The following SHROOM3 variants were observed in gnomAD, a reference collection of about 807,000 sequenced individuals.
The protein encoded by SHROOM3 is shroom family member 3, also known as protein Shroom3.
A neutral mutation model predicts 138.6 loss-of-function variants in SHROOM3; 47 were observed. The observed-to-expected ratio is 0.34, with a 90% CI of 0.27 to 0.43. The LOEUF (loss-of-function observed/expected upper bound fraction) is 0.43. Ranked by LOEUF, SHROOM3 falls within the 20% of genes least tolerant of loss-of-function variation. SHROOM3 has a pLI of 1.00. For missense variants in SHROOM3, 2,491 were observed against 2,596.5 expected (o/e 0.96, Z 0.88); for synonymous variants, 1,062 against 1,063.3 (o/e 1.00, Z 0.02).
chr4:76,761,306 A>G (rs1387947870), intron 9 of SHROOM3, among the ~76,000 whole-genome samples: 1 of 152,230 alleles, frequency 6.6e-6, no homozygotes, highest in African/African-American at 2.4e-5. Context: ...TTATGTGGCA[A>G]AAAGTATTTT....
At chr4:76,632,550 C>A (rs1223869773) in intron 2 of SHROOM3, among the ~76,000 whole-genome samples, 1 of 152,020 alleles carries the variant, frequency 6.6e-6, no homozygotes, top group African/African-American at 2.4e-5. Flanking sequence ...TTTGACAGAG[C>A]AATTACTGGG....
intron 2 of SHROOM3, chr4:76,559,249 G>T (rs1040491982): frequency 1.4e-4 from 21 of 152,224 alleles, no homozygotes; most frequent in African/African-American, 4.8e-4. Flanking sequence ...TTATCAACAC[G>T]CCTCCAGAGA....
At chr4:76,728,761 A>AC (rs1196688996) in intron 3 of SHROOM3, among the ~76,000 whole-genome samples, 1 of 152,164 alleles carries the variant, frequency 6.6e-6, no homozygotes. Flanking sequence ...ATTTCAGGTC[A>AC]CAGCCACTGC....
chr4:76,724,939 G>C (rs1560602555), intron 3 of SHROOM3, among the ~76,000 whole-genome samples: 2 of 152,036 alleles, frequency 1.3e-5, no homozygotes, highest in African/African-American at 4.8e-5. Flanking sequence ...TACACTGGTG[G>C]GCTATTTTTG....
chr4:76,596,625 C>CACACACACAT (rs57152841), intron 2 of SHROOM3, among the ~76,000 whole-genome samples: 2 of 149,934 alleles, frequency 1.3e-5, no homozygotes, highest in Non-Finnish European at 3.0e-5. Flanking sequence ...CACACACACA[C>CACACACACAT]TCTCCAACAG....
In SHROOM3 at chr4:76,739,519, A is replaced by G. The variant is rs572629061; in HGVS notation, c.1346A>G (p.Lys449Arg). 12 of 1,614,114 alleles carry G rather than the reference A, an allele frequency of 7.4e-6. No homozygotes were observed. In the East Asian group the frequency reaches 1.8e-4, roughly 24 times the overall value. ...SPENSPPVKP[K>R]HNYTQKAQPG... ...GAGAACAGCCCCCCAGTGAAGCCCA[A>G]GCATAACTATACCCAGAAGGCCCAA... is the stretch of plus-strand genomic sequence containing the variant. The change falls in exon 5 of 11, where the codon AAG (lysine) becomes AGG (arginine). Residue 449 changes from lysine to arginine, a missense_variant. By Grantham distance (26) the Lys-to-Arg change is conservative. Coordinates refer to ENST00000296043, the MANE Select transcript of SHROOM3 (RefSeq NM_020859.4).
rs1413011198 is a variant in SHROOM3, at chr4:76,778,874, G to A, written c.5688G>A (p.Glu1896=). 6.2e-7 allele frequency: 1 copy of A among 1,613,008 alleles called. No individual in the cohort carries two copies. The change falls in exon 11 of 11, where the codon GAG becomes GAA. Residue 1896 remains glutamate (E), a synonymous_variant. Transcript: ENST00000296043. ...ATGAGGATGCCCGGGAGCTGAAGGA[G>A]AACCTGGATCGCAGGGAGCGAGTAG... ...GQHEDARELK[E]NLDRRERVVL...
At chr4:76,771,982 T>G (rs1380041870) in intron 10 of SHROOM3, among the ~76,000 whole-genome samples, 1 of 152,124 alleles carries the variant, frequency 6.6e-6, no homozygotes, top group African/African-American at 2.4e-5. Flanking sequence ...ACACAATTAT[T>G]TTATATATAT....
intron 1 of SHROOM3, among the ~76,000 whole-genome samples, chr4:76,539,563 TATTAAATATC>T (rs1733055683): frequency 6.6e-6 from 1 of 152,218 alleles, no homozygotes; most frequent in Admixed American, 6.5e-5. Context: ...ATTGGGCATT[TATTAAATATC>T]ATTTTTCTAA....
chr4:76,480,206 A>C (rs1199226036), intron 1 of SHROOM3, among the ~76,000 whole-genome samples: 1 of 152,214 alleles, frequency 6.6e-6, no homozygotes, highest in Non-Finnish European at 1.5e-5. Context: ...TTGGATAAAG[A>C]GTCAAGACCC....
chr4:76,597,046 A>G (rs1342574660), intron 2 of SHROOM3, among the ~76,000 whole-genome samples: 2 of 152,220 alleles, frequency 1.3e-5, no homozygotes, highest in African/African-American at 4.8e-5. Context: ...TTCTCCTAGA[A>G]TAGACGGCAA....
intron 10 of SHROOM3, among the ~76,000 whole-genome samples, chr4:76,773,112 C>G (rs538392888): frequency 6.6e-6 from 1 of 152,064 alleles, no homozygotes; most frequent in East Asian, 1.9e-4. Flanking sequence ...TGCAGTGGCT[C>G]ACACCTGTAA....
intron 2 of SHROOM3, among the ~76,000 whole-genome samples, chr4:76,580,322 G>A (rs6823519): frequency 0.019 from 2,861 of 152,210 alleles, 88 homozygotes; most frequent in African/African-American, 0.063. Context: ...TGCCATCTAT[G>A]TCCCATTCCG....
intron 1 of SHROOM3, among the ~76,000 whole-genome samples, chr4:76,488,193 G>T (rs951730682): frequency 6.6e-6 from 1 of 151,848 alleles, no homozygotes; most frequent in African/African-American, 2.4e-5. Flanking sequence ...TTTTTAAAGG[G>T]GGTTCACTAA....
At chr4:76,632,643 T>C (rs1735360090) in intron 2 of SHROOM3, among the ~76,000 whole-genome samples, 1 of 152,196 alleles carries the variant, frequency 6.6e-6, no homozygotes, top group African/African-American at 2.4e-5. Flanking sequence ...AGACAATTTA[T>C]GTTTGGAGTT....
intron 9 of SHROOM3, among the ~76,000 whole-genome samples, chr4:76,767,482 A>T (rs961365497): frequency 2.0e-5 from 3 of 152,232 alleles, no homozygotes; most frequent in Non-Finnish European, 4.4e-5. Context: ...GTTCGAGACC[A>T]GCCTGACCAA....
At chr4:76,465,082 A>C (rs1432606035) in intron 1 of SHROOM3, among the ~76,000 whole-genome samples, 1 of 152,232 alleles carries the variant, frequency 6.6e-6, no homozygotes, top group East Asian at 1.9e-4. Flanking sequence ...GGATATATAG[A>C]ATCTTTAATT....
chr4:76,520,931 G>A (rs1004196083), intron 1 of SHROOM3, among the ~76,000 whole-genome samples: 3 of 152,166 alleles, frequency 2.0e-5, no homozygotes, highest in South Asian at 2.1e-4. Context: ...GCTAGGGACC[G>A]CTATCATAGC....
At chr4:76,600,107 G>A (rs1182147742) in intron 2 of SHROOM3, among the ~76,000 whole-genome samples, 1 of 152,190 alleles carries the variant, frequency 6.6e-6, no homozygotes, top group African/African-American at 2.4e-5. Context: ...AGCCATGATT[G>A]TGCCACTGTA....
Sources: allele counts gnomAD v4.1 joint callset (sites outside exome capture counted in the v4.1 genomes callset), GRCh38; gene constraint gnomAD v4.1.1; transcripts MANE v1.5; gene names NCBI Gene and HGNC (gene_info 2026-07-23, HGNC 2026-07-21).